Variants in IGLL5 observed in about 807,000 individuals in gnomAD.
The protein encoded by IGLL5 is immunoglobulin lambda-like polypeptide 5.
IGLL5 carries 30 observed loss-of-function variants against 20.9 expected under a neutral mutation model. The ratio of observed to expected loss-of-function variants is 1.44; its 90% CI spans 1.07 to 1.95. IGLL5 has a LOEUF of 1.95. Ranked by LOEUF, IGLL5 falls within the 30% of genes most tolerant of loss-of-function variation. IGLL5 has a pLI of 0.00. For synonymous variants in IGLL5, 203 were observed against 117.3 expected (o/e 1.73, Z -4.72); for missense variants, 475 against 270.7 (o/e 1.75, Z -5.30).
Position 22,895,990 on chromosome 22 carries a change from C to G in IGLL5, c.*296C>G, listed in dbSNP as rs1302274625. The G allele has an allele frequency of 1.8e-6, 1 of 547,448 alleles. No individual in the cohort carries two copies. The highest frequency in any genetic ancestry group is 1.9e-5 in the African/African-American group (1 of 52,696). The allele number at this position is 547,448 out of a possible 1,614,324, so 33.9% of individuals were successfully genotyped here. A position where few individuals can be genotyped will look rare whatever the true frequency, so the allele number is the denominator to read the frequency against. The stretch of plus-strand genomic sequence containing the variant: ...ATCTCCCCAGAGGGTCCTTCCTCTC[C>G]CAGTCACCCCTTCTCCAACTCTCCA... On this transcript the variant is annotated 3_prime_UTR_variant, in exon 3 of 3. Transcript: ENST00000526893.
At chr22:22,888,779 C>T (rs2067645624) in intron 1 of IGLL5, among the ~76,000 whole-genome samples, 1 of 151,430 alleles carries the variant, frequency 6.6e-6, no homozygotes, top group Non-Finnish European at 1.5e-5. Context: ...GGCTCAAGGA[C>T]ACAGGGAGGG....
At chr22:22,888,509 C>T (rs772770761) in intron 1 of IGLL5, among the ~76,000 whole-genome samples, 2 of 151,372 alleles carry the variant, frequency 1.3e-5, no homozygotes, top group Admixed American at 6.6e-5. Flanking sequence ...AAATTTTCAC[C>T]AGGGTCAGTG....
rs867354891 is a variant in IGLL5, at chr22:22,895,362, C to T, written c.326-13C>T. ...CTGTCTGCCCTCTCTCACCCCCTTC[C>T]CTGTCCACACAGGTCAGCCCAAGGC... is the stretch of plus-strand genomic sequence containing the variant. On this transcript the variant is annotated splice_polypyrimidine_tract_variant and intron_variant, in intron 2 of 2. Transcript: ENST00000526893. The T allele has an allele frequency of 2.5e-6, 4 of 1,611,512 alleles. No individual in the cohort carries two copies. Among genetic ancestry groups the T allele is most frequent in the Non-Finnish European group, 3.4e-6 (4 of 1,178,608 alleles).
chr22:22,895,512 A>C lies in IGLL5; in HGVS notation c.463A>C (p.Ser155Arg), dbSNP rs764577020. The change falls in exon 3 of 3, where the codon AGC (serine) becomes CGC (arginine). Residue 155 changes from serine to arginine, a missense_variant. Ser to Arg is a moderately radical substitution (Grantham distance 110). Coordinates refer to ENST00000526893, the MANE Select transcript of IGLL5 (RefSeq NM_001178126.2). Reference protein sequence around the residue: ...AVTVAWKADGSPVKAGVETTK... With the variant: ...AVTVAWKADGRPVKAGVETTK... The stretch of plus-strand genomic sequence containing the variant: ...GACAGTGGCCTGGAAGGCAGATGGC[A>C]GCCCCGTCAAGGCGGGAGTGGAGAC... The C allele has an allele frequency of 6.2e-7, 1 of 1,612,724 alleles. No individual in the cohort carries two copies. The highest frequency in any genetic ancestry group is 1.7e-5 in the Admixed American group (1 of 59,900).
In IGLL5 at chr22:22,896,028, G is replaced by C. The variant is rs2066759477; in HGVS notation, c.*334G>C. The C allele has an allele frequency of 2.0e-6, 1 of 503,884 alleles. No individual in the cohort carries two copies. Among genetic ancestry groups the C allele is most frequent in the East Asian group, 3.7e-5 (1 of 27,168 alleles). The allele number at this position is 503,884 out of a possible 1,614,324, so 31.2% of individuals were successfully genotyped here. ...CTCCAACTCTCCACTGTACCCCTGA[G>C]CTACCAGTCTGGCATCAGTTCAGAC... On this transcript the variant is annotated 3_prime_UTR_variant, in exon 3 of 3. Coordinates refer to ENST00000526893, the MANE Select transcript of IGLL5 (RefSeq NM_001178126.2).
intron 1 of IGLL5, among the ~76,000 whole-genome samples, chr22:22,888,817 T>C (rs530599881): frequency 6.6e-6 from 1 of 151,334 alleles, no homozygotes; most frequent in African/African-American, 2.4e-5. Flanking sequence ...AGCTGTCCAG[T>C]CATTGGAACA....
At chr22:22,888,295 C>T (rs575974572) in intron 1 of IGLL5, 36 bp downstream of exon 1, 7 of 1,536,842 alleles carry the variant, frequency 4.6e-6, no homozygotes, top group African/African-American at 1.4e-5. Flanking sequence ...TGTGGGGGTC[C>T]TGCAGCAGAG....
Position 22,895,770 on chromosome 22 carries a change from A to C in IGLL5, c.*76A>C. The C allele has an allele frequency of 7.3e-7, 1 of 1,363,002 alleles. No individual in the cohort carries two copies. The highest frequency in any genetic ancestry group is 1.2e-5 in the South Asian group (1 of 85,804). The allele number at this position is 1,363,002 out of a possible 1,614,324, so 84.4% of individuals were successfully genotyped here. On this transcript the variant is annotated 3_prime_UTR_variant, in exon 3 of 3. Transcript: ENST00000526893. ...GGGAGGGGTCTCTCTCCCCATCCCAAGTCATCCAGCCCTTCTCCCTGCACT... is the reference window on the plus strand; with the variant it reads ...GGGAGGGGTCTCTCTCCCCATCCCACGTCATCCAGCCCTTCTCCCTGCACT...
At chr22:22,894,554 G>T (rs1415266918) in intron 2 of IGLL5, among the ~76,000 whole-genome samples, 1 of 151,416 alleles carries the variant, frequency 6.6e-6, no homozygotes, top group Non-Finnish European at 1.5e-5. Context: ...TCACGGATCG[G>T]CCTCCTGCCT....
chr22:22,895,767 C>T lies in IGLL5; in HGVS notation c.*73C>T. 1.5e-6 allele frequency: 2 copies of T among 1,363,638 alleles called. No homozygotes were observed. Among genetic ancestry groups the T allele is most frequent in the South Asian group, 1.2e-5 (1 of 85,804 alleles). The allele number at this position is 1,363,638 out of a possible 1,614,324, so 84.5% of individuals were successfully genotyped here. Reference sequence around the variant, plus strand: ...CAGGGGAGGGGTCTCTCTCCCCATCCCAAGTCATCCAGCCCTTCTCCCTGC... The same window carrying T: ...CAGGGGAGGGGTCTCTCTCCCCATCTCAAGTCATCCAGCCCTTCTCCCTGC... On this transcript the variant is annotated 3_prime_UTR_variant, in exon 3 of 3. Coordinates refer to ENST00000526893, the MANE Select transcript of IGLL5 (RefSeq NM_001178126.2).
In IGLL5 at chr22:22,888,234, T is replaced by A. The variant is rs939720182; in HGVS notation, c.181T>A (p.Ser61Thr). Residue 61 changes from serine to threonine, a missense_variant, in exon 1 of 3, where the codon TCC becomes ACC. Coordinates refer to ENST00000526893, the MANE Select transcript of IGLL5 (RefSeq NM_001178126.2). ...DPGASVGSSRSSLRSLWGRLL... is the reference protein window; with the variant it reads ...DPGASVGSSRTSLRSLWGRLL... The stretch of plus-strand genomic sequence containing the variant: ...TGGAGCCTCAGTTGGAAGCAGCCGA[T>A]CCAGCCTGCGGAGCCTGTGGGGCAG... The A allele has an allele frequency of 2.8e-5, 43 of 1,547,818 alleles. No individual in the cohort carries two copies. Among genetic ancestry groups the A allele is most frequent in the Non-Finnish European group, 3.6e-5 (41 of 1,146,446 alleles).
At chr22:22,888,643 T>G (rs143964257) in intron 1 of IGLL5, among the ~76,000 whole-genome samples, 1 of 151,230 alleles carries the variant, frequency 6.6e-6, no homozygotes, top group African/African-American at 2.4e-5. Context: ...CCTCCTCCTC[T>G]CTGCCCATGT....
At chr22:22,894,363 T>A (rs2068021847) in intron 2 of IGLL5, among the ~76,000 whole-genome samples, 2 of 151,388 alleles carry the variant, frequency 1.3e-5, no homozygotes, top group Admixed American at 6.6e-5. Flanking sequence ...GGGTCTAGGC[T>A]GCAGCTCTGT....
chr22:22,890,710 T>G (rs2146010132), intron 1 of IGLL5, among the ~76,000 whole-genome samples: 1 of 150,882 alleles, frequency 6.6e-6, no homozygotes, highest in South Asian at 2.1e-4. Flanking sequence ...TTTCCAAAAG[T>G]CTGTGTCCAC....
intron 1 of IGLL5, among the ~76,000 whole-genome samples, chr22:22,891,499 T>C (rs2067846013): frequency 6.6e-6 from 1 of 151,326 alleles, no homozygotes; most frequent in Admixed American, 6.6e-5. Context: ...TTTCTCAAAA[T>C]AGTCATGTCT....
At chr22:22,894,180 TGC>T (rs2067994107) in intron 2 of IGLL5, among the ~76,000 whole-genome samples, 1 of 151,490 alleles carries the variant, frequency 6.6e-6, no homozygotes, top group Non-Finnish European at 1.5e-5. Flanking sequence ...GGACAGAGGC[TGC>T]TGGGGTGGGC....
chr22:22,893,937 C>A (rs939345899), intron 2 of IGLL5, 119 bp downstream of exon 2: 8 of 773,068 alleles, frequency 1.0e-5, no homozygotes, highest in Admixed American at 5.8e-5. Context: ...TGACCCTTAC[C>A]TTTCTCCATG....
intron 1 of IGLL5, among the ~76,000 whole-genome samples, chr22:22,889,952 A>T (rs2067765312): frequency 6.6e-6 from 1 of 151,204 alleles, no homozygotes; most frequent in East Asian, 2.0e-4. Context: ...AAATATAGAA[A>T]AATGTCAATG....
chr22:22,888,416 A>T (rs541387672), intron 1 of IGLL5, among the ~76,000 whole-genome samples, 157 bp downstream of exon 1: 4 of 151,476 alleles, frequency 2.6e-5, no homozygotes, highest in African/African-American at 7.3e-5. Flanking sequence ...TATTTTGTCC[A>T]TCACAGATTT....
Sources: allele counts gnomAD v4.1 joint callset (sites outside exome capture counted in the v4.1 genomes callset), GRCh38; gene constraint gnomAD v4.1.1; transcripts MANE v1.5; gene names NCBI Gene and HGNC (gene_info 2026-07-23, HGNC 2026-07-21).